Variants in CNTN4 observed in about 807,000 individuals in gnomAD.
The protein encoded by CNTN4 is contactin 4.
A neutral mutation model predicts 122.5 loss-of-function variants in CNTN4; 77 were observed. The ratio of observed to expected loss-of-function variants is 0.63; its 90% CI spans 0.52 to 0.76. The LOEUF (loss-of-function observed/expected upper bound fraction) is 0.76, where lower values mean the gene tolerates loss of function less well. CNTN4 is among the 30% of genes least tolerant of loss of function. The pLI is 0.00. For synonymous variants in CNTN4, 512 were observed against 447.0 expected, an observed-to-expected ratio of 1.15 and a Z score of -1.83; for missense variants, 1,256 against 1,259.1, an observed-to-expected ratio of 1.00 and a Z score of 0.04.
At chr3:2,542,570 C>A (rs1184160537) in intron 3 of CNTN4, among the ~76,000 whole-genome samples, 1 of 152,112 alleles carries the variant, frequency 6.6e-6, no homozygotes, top group Admixed American at 6.6e-5. Flanking sequence ...ACAAATTTTG[C>A]TGAATGTCAG....
At chr3:2,550,363 T>G (rs1199493815) in intron 3 of CNTN4, among the ~76,000 whole-genome samples, 3 of 152,164 alleles carry the variant, frequency 2.0e-5, no homozygotes, top group Non-Finnish European at 4.4e-5. Context: ...TCATCATCAC[T>G]GGTCATTAGA....
At chr3:2,553,531 G>T (rs901142438) in intron 3 of CNTN4, among the ~76,000 whole-genome samples, 1 of 152,058 alleles carries the variant, frequency 6.6e-6, no homozygotes, top group Non-Finnish European at 1.5e-5. Flanking sequence ...CTTCAAAAAG[G>T]AACCTAAAGG....
At chr3:2,525,420 A>AT (rs2077366729) in intron 3 of CNTN4, among the ~76,000 whole-genome samples, 1 of 152,176 alleles carries the variant, frequency 6.6e-6, no homozygotes, top group Non-Finnish European at 1.5e-5. Context: ...TATTGTCGGT[A>AT]AATTTCAGTC....
intron 8 of CNTN4, among the ~76,000 whole-genome samples, chr3:2,867,263 A>G (rs1210134086): frequency 6.6e-6 from 1 of 152,216 alleles, no homozygotes; most frequent in East Asian, 1.9e-4. Context: ...GTCAGAATGA[A>G]GTGAAAGGTT....
chr3:2,495,140 A>G (rs775102374), intron 3 of CNTN4, among the ~76,000 whole-genome samples: 3 of 152,230 alleles, frequency 2.0e-5, no homozygotes, highest in Non-Finnish European at 2.9e-5. Context: ...CGCCTTCAAC[A>G]TCATAATCAA....
At chr3:2,268,723 A>G (rs919585320) in intron 2 of CNTN4, among the ~76,000 whole-genome samples, 1 of 152,130 alleles carries the variant, frequency 6.6e-6, no homozygotes, top group African/African-American at 2.4e-5. Context: ...CTCTTGGAGA[A>G]TCAAAATTTT....
chr3:2,520,572 C>G (rs2077177145), intron 3 of CNTN4, among the ~76,000 whole-genome samples: 1 of 151,948 alleles, frequency 6.6e-6, no homozygotes, highest in African/African-American at 2.4e-5. Context: ...CCACATCCAG[C>G]CCTTTTTTCC....
chr3:2,490,888 C>A (rs975032376), intron 3 of CNTN4, among the ~76,000 whole-genome samples: 8 of 152,052 alleles, frequency 5.3e-5, no homozygotes, highest in Non-Finnish European at 1.0e-4. Context: ...TCTTAGTTTC[C>A]AAAGTACTAT....
chr3:2,671,660 G>T (rs904049942), intron 4 of CNTN4, among the ~76,000 whole-genome samples: 1 of 152,116 alleles, frequency 6.6e-6, no homozygotes, highest in African/African-American at 2.4e-5. Flanking sequence ...AGGAGGAGAG[G>T]CGCGCTGATT....
chr3:2,852,714 C>G (rs1034081781), intron 7 of CNTN4, among the ~76,000 whole-genome samples: 1 of 152,098 alleles, frequency 6.6e-6, no homozygotes, highest in African/African-American at 2.4e-5. Context: ...GTTTCAAGAC[C>G]ATGTACGTCT....
intron 6 of CNTN4, among the ~76,000 whole-genome samples, chr3:2,811,294 G>A (rs984944810): frequency 6.6e-6 from 1 of 150,674 alleles, no homozygotes; most frequent in African/African-American, 2.4e-5. Flanking sequence ...TGTAATCTCA[G>A]CTACTCTGGA....
intron 4 of CNTN4, among the ~76,000 whole-genome samples, chr3:2,717,877 G>A (rs1423221491): frequency 6.6e-6 from 1 of 152,118 alleles, no homozygotes; most frequent in Non-Finnish European, 1.5e-5. Flanking sequence ...TGGGTATGAA[G>A]TGCTATCTCA....
In CNTN4 at chr3:2,745,544, G is replaced by A; in HGVS notation, c.205G>A (p.Val69Ile). 1.2e-6 allele frequency: 2 copies of A among 1,614,054 alleles called. No homozygotes were observed. The highest frequency in any genetic ancestry group is 1.7e-6 in the Non-Finnish European group (2 of 1,179,910). ...HIRWKLNGTD[V>I]DTGMDFRYSV... ...TAGGTGGAAGTTAAATGGAACAGAT[G>A]TTGACACTGGTATGGATTTCCGCTA... is the stretch of plus-strand genomic sequence containing the variant. The change falls in exon 6 of 25, where the codon GTT becomes ATT. Residue 69 changes from valine to isoleucine, a missense_variant. Physicochemically the swap from Val to Ile is conservative, Grantham distance 29. Transcript: ENST00000418658.
At position 2,489,970 on chromosome 3, in the gene CNTN4, A is replaced by G. The variant is rs78870101; in HGVS notation, c.-88-81446A>G. ...CATTTTATATTTTTCTACAACCACT[A>G]ATAACCAAATTGTAAATAGGGGAAT... On this transcript the variant is annotated intron_variant, in intron 3 of 24. Transcript: ENST00000418658. Among the ~76,000 whole-genome samples, 945 of 152,230 alleles carry G rather than the reference A, an allele frequency of 6.2e-3. 9 individuals carry two copies. Among genetic ancestry groups the G allele is most frequent in the African/African-American group, 0.022 (897 of 41,556 alleles).
chr3:2,278,188 C>T (rs2041589007), intron 2 of CNTN4, among the ~76,000 whole-genome samples: 1 of 152,074 alleles, frequency 6.6e-6, no homozygotes, highest in South Asian at 2.1e-4. Context: ...AAACTTTCCT[C>T]CAAACAGACA....
At chr3:2,630,578 T>C (rs1222451992) in intron 4 of CNTN4, among the ~76,000 whole-genome samples, 1 of 152,182 alleles carries the variant, frequency 6.6e-6, no homozygotes, top group East Asian at 1.9e-4. Context: ...CATTTCTTAT[T>C]AGTACACGAA....
At chr3:2,134,983 G>A (rs577004492) in intron 2 of CNTN4, among the ~76,000 whole-genome samples, 1 of 152,194 alleles carries the variant, frequency 6.6e-6, no homozygotes, top group Admixed American at 6.5e-5. Flanking sequence ...CACAACCTGT[G>A]GCCCAGTCAA....
chr3:2,405,146 A>T (rs528778246), intron 3 of CNTN4, among the ~76,000 whole-genome samples: 1 of 152,182 alleles, frequency 6.6e-6, no homozygotes, highest in East Asian at 1.9e-4. Flanking sequence ...ATCCTATGAG[A>T]TTATCATCCA....
At chr3:2,510,038 A>G (rs550061968) in intron 3 of CNTN4, among the ~76,000 whole-genome samples, 52 of 152,180 alleles carry the variant, frequency 3.4e-4, no homozygotes, top group African/African-American at 1.1e-3. Flanking sequence ...TTTTCCCCAC[A>G]CATTTAAAAT....
Sources: gnomAD v4.1 joint callset for allele counts (sites outside exome capture counted in the v4.1 genomes callset) on GRCh38, gnomAD v4.1.1 for gene constraint, MANE v1.5 for transcripts, NCBI Gene and HGNC (gene_info 2026-07-23, HGNC 2026-07-21) for gene names.